Variants in PACS2 observed in about 807,000 individuals in gnomAD.
PACS2 encodes the protein PACS1-like protein.
A neutral mutation model predicts 113.0 loss-of-function variants in PACS2; 36 were observed. That is an observed-to-expected ratio of 0.32 (90% confidence interval 0.24 to 0.42). PACS2 has a LOEUF of 0.42. Among genes scored for constraint, PACS2 ranks in the 10% least tolerant of loss-of-function variants. The pLI, the probability that PACS2 is intolerant of heterozygous loss-of-function variation, is 1.00. For synonymous variants in PACS2, 589 were observed against 536.1 expected, an observed-to-expected ratio of 1.10 and a Z score of -1.36; for missense variants, 1,015 against 1,239.5, an observed-to-expected ratio of 0.82 and a Z score of 2.72.
chr14:105,383,665 C>T (rs1595159275), intron 16 of PACS2, 152 bp downstream of exon 16: 1 of 620,956 alleles, frequency 1.6e-6, no homozygotes, highest in Non-Finnish European at 2.8e-6. Flanking sequence ...CGTGGTGTCC[C>T]TGCTTGCTAC....
chr14:105,377,276 G>A (rs1410006054), intron 9 of PACS2, among the ~76,000 whole-genome samples: 1 of 152,138 alleles, frequency 6.6e-6, no homozygotes, highest in African/African-American at 2.4e-5. Flanking sequence ...GGGGACCTCC[G>A]TTCACTCAGG....
chr14:105,361,359 G>A (rs1555406401), intron 4 of PACS2, among the ~76,000 whole-genome samples: 1 of 151,980 alleles, frequency 6.6e-6, no homozygotes, highest in African/African-American at 2.4e-5. Context: ...AAAAAAGGCT[G>A]GGCACGGTGG....
intron 1 of PACS2, among the ~76,000 whole-genome samples, chr14:105,303,388 T>G (rs902241607): frequency 8.5e-5 from 13 of 152,056 alleles, no homozygotes; most frequent in Non-Finnish European, 1.6e-4. Flanking sequence ...GGACTACAGG[T>G]GCCCACCACC....
chr14:105,326,273 C>T (rs1009475445), intron 1 of PACS2, among the ~76,000 whole-genome samples: 2 of 152,186 alleles, frequency 1.3e-5, no homozygotes, highest in Non-Finnish European at 1.5e-5. Context: ...GTCCTGGACA[C>T]GGGTGGGGCG....
rs2140896761 is a variant in PACS2, at chr14:105,329,063, G to T, written c.119+14026G>T. Among the ~76,000 whole-genome samples the T allele has an allele frequency of 6.6e-6, 1 of 152,316 alleles. No individual in the cohort carries two copies. The highest frequency in any genetic ancestry group is 1.5e-5 in the Non-Finnish European group (1 of 68,012). ...CAGGGGAGCAGTGGGGAGTGTGCTG[G>T]GAGTGAGATTAGAGGGAGGACTCCC... On this transcript the variant is annotated intron_variant, in intron 1 of 24. Transcript: ENST00000447393. The surrounding 1 kb of genome is among the most constrained non-coding windows in gnomAD (Gnocchi z 6.4).
At chr14:105,342,279 TGAGA>T (rs149088527) in intron 1 of PACS2, among the ~76,000 whole-genome samples, 5 of 151,092 alleles carry the variant, frequency 3.3e-5, no homozygotes, top group Admixed American at 6.6e-5. Flanking sequence ...TGTCTATGTG[TGAGA>T]GAGAGAGAGA....
chr14:105,367,493 A>G (rs2060980073), intron 5 of PACS2, 118 bp downstream of exon 5: 3 of 982,682 alleles, frequency 3.1e-6, no homozygotes, highest in Non-Finnish European at 4.7e-6. Context: ...GGTCCGGAGC[A>G]CGTGTCAGTT....
rs1331465884 is a variant in PACS2, at chr14:105,393,100, TC to T, written c.2483-120del. The T allele has an allele frequency of 1.0e-5, 8 of 790,416 alleles. No homozygotes were observed. In the East Asian group the frequency reaches 2.1e-4, roughly 21 times the overall value. The allele number at this position is 790,416 out of a possible 1,614,324, so 49.0% of individuals were successfully genotyped here. On this transcript the variant is annotated intron_variant, in intron 23 of 24. Transcript: ENST00000447393. ...CCTCAGTCACCGTGGAAGGCAGGTT[TC>T]CTAGGTGAGCAGTGCCATGACCAGC... is the stretch of plus-strand genomic sequence containing the variant.
At chr14:105,328,198 A>G (rs1191800759) in intron 1 of PACS2, among the ~76,000 whole-genome samples, 2 of 152,220 alleles carry the variant, frequency 1.3e-5, no homozygotes, top group Non-Finnish European at 2.9e-5. Context: ...TGCAGTTCTT[A>G]AAGGACACAT....
chr14:105,389,998 G>T lies in PACS2; in HGVS notation c.2071G>T (p.Val691Phe). 1 of 1,613,848 alleles carries T rather than the reference G, an allele frequency of 6.2e-7. No individual in the cohort carries two copies. Among genetic ancestry groups the T allele is most frequent in the Non-Finnish European group, 8.5e-7 (1 of 1,179,790 alleles). The part of the protein sequence containing the change: ...EESSQKFIPF[V>F]GVVKVGIVEP... ...GTCCTCCCAAAAGTTCATTCCCTTTGTCGGGGTGAGTACTGGCCAGCTTTA... is the reference window on the plus strand; with the variant it reads ...GTCCTCCCAAAAGTTCATTCCCTTTTTCGGGGTGAGTACTGGCCAGCTTTA... The change falls in exon 20 of 25, where the codon GTC becomes TTC. Residue 691 changes from valine (V) to phenylalanine (F), a missense_variant. Val to Phe is a conservative substitution (Grantham distance 50). Around this residue, in one of 3 missense-constraint regions of PACS2, gnomAD observed 859 missense variants for 1,056.8 expected, o/e 0.81. Transcript: ENST00000447393.
At chr14:105,337,091 T>C (rs1170384682) in intron 1 of PACS2, among the ~76,000 whole-genome samples, 1 of 152,210 alleles carries the variant, frequency 6.6e-6, no homozygotes, top group Non-Finnish European at 1.5e-5. Flanking sequence ...GGAATATTAC[T>C]TAGCCCTGAA....
rs181047356 is a variant in PACS2 at position 105,375,703 on chromosome 14, G to A, written c.802-1065G>A. Among the ~76,000 whole-genome samples the A allele has an allele frequency of 8.5e-5, 13 of 152,310 alleles. No homozygotes were observed. In the East Asian group the frequency reaches 2.5e-3, roughly 29 times the overall value. ...CAGCAGGAACCCACACCCTGCTGGG[G>A]GAATGTAAGGTGGTGTGGCAGCCAC... is the stretch of plus-strand genomic sequence containing the variant. On this transcript the variant is annotated intron_variant, in intron 8 of 24. Transcript: ENST00000447393.
At position 105,330,248 on chromosome 14, in the gene PACS2, C is replaced by T. The variant is rs587741137; in HGVS notation, c.119+15211C>T. Among the ~76,000 whole-genome samples the T allele has an allele frequency of 4.1e-5, 5 of 122,700 alleles. No individual in the cohort carries two copies. In the East Asian group the frequency reaches 7.1e-4, roughly 17 times the overall value. The allele number at this position is 122,700 out of a possible 152,430, so 80.5% of individuals were successfully genotyped here. ...GGACGGAACGGGGACAGGGAGCCTC[C>T]GAGAAGCCTGGGGTCCGTGTGTGGG... On this transcript the variant is annotated intron_variant, in intron 1 of 24. Transcript: ENST00000447393. The surrounding 1 kb of genome is among the most constrained non-coding windows in gnomAD (Gnocchi z 6.9).
chr14:105,307,581 T>C (rs1245040591), intron 1 of PACS2, among the ~76,000 whole-genome samples: 2 of 152,140 alleles, frequency 1.3e-5, no homozygotes, highest in Non-Finnish European at 2.9e-5. Context: ...TTGATCAAAA[T>C]AACTCCTGGG....
At chr14:105,325,802 G>A (rs911713528) in intron 1 of PACS2, among the ~76,000 whole-genome samples, 1 of 152,246 alleles carries the variant, frequency 6.6e-6, no homozygotes, top group Non-Finnish European at 1.5e-5. Context: ...GTGAGCACGG[G>A]GAACGGCACC....
chr14:105,360,135 C>T (rs2060622364), intron 4 of PACS2, among the ~76,000 whole-genome samples: 1 of 152,160 alleles, frequency 6.6e-6, no homozygotes, highest in Non-Finnish European at 1.5e-5. Flanking sequence ...AAGTGAGTCA[C>T]ACAAATTTCG....
At chr14:105,327,760 T>C (rs2059174205) in intron 1 of PACS2, among the ~76,000 whole-genome samples, 1 of 152,190 alleles carries the variant, frequency 6.6e-6, no homozygotes, top group Admixed American at 6.5e-5. Context: ...AGCGGTTCCC[T>C]GCCAGGGAGC....
At position 105,384,316 on chromosome 14, in the gene PACS2, CCCCCGTGGTGACACCAG is replaced by C; in HGVS notation, c.1781-32_1781-16del. On this transcript the variant is annotated intron_variant, in intron 16 of 24. Coordinates refer to ENST00000447393, the MANE Select transcript of PACS2 (RefSeq NM_001100913.3). The stretch of plus-strand genomic sequence containing the variant: ...CGGTGGGAGCCTTGCAGCTCCGAGT[CCCCCGTGGTGACACCAG>C]CCCCACCCCTGGCATGCAGGCTCCC... The C allele has an allele frequency of 7.9e-7, 1 of 1,266,200 alleles. No homozygotes were observed. The highest frequency in any genetic ancestry group is 1.1e-6 in the Non-Finnish European group (1 of 872,556). The allele number at this position is 1,266,200 out of a possible 1,614,324, so 78.4% of individuals were successfully genotyped here.
In PACS2 at chr14:105,384,970, G is replaced by T; in HGVS notation, c.1983G>T (p.Leu661=). Residue 661 remains leucine (L), a synonymous_variant, in exon 18 of 25, where the codon CTG becomes CTT. Coordinates refer to ENST00000447393, the MANE Select transcript of PACS2 (RefSeq NM_001100913.3). ...AGCTCCCCATCGCAGAGGCCATGCT[G>T]ACCTACAAGCAGAAGAGGTAACGCG... ...AHQLPIAEAM[L]TYKQKRKKHF... The T allele has an allele frequency of 6.3e-7, 1 of 1,584,146 alleles. No individual in the cohort carries two copies. Among genetic ancestry groups the T allele is most frequent in the Non-Finnish European group, 8.6e-7 (1 of 1,164,144 alleles).
Sources: gnomAD v4.1 joint callset for allele counts (sites outside exome capture counted in the v4.1 genomes callset) on GRCh38, gnomAD v4.1.1 for gene constraint, gnomAD v4.1.1 regional missense constraint, Gnocchi (gnomAD v3.1) non-coding constraint, MANE v1.5 for transcripts, NCBI Gene and HGNC (gene_info 2026-07-23, HGNC 2026-07-21) for gene names.